NTRK3: variants seen among roughly 807,000 people sequenced by gnomAD.
The protein encoded by NTRK3 is neurotrophic receptor tyrosine kinase 3, also known as NT-3 growth factor receptor.
NTRK3 carries 24 observed loss-of-function variants against 91.7 expected under a neutral mutation model. The observed-to-expected ratio is 0.26, with a 90% CI of 0.19 to 0.37. The LOEUF (loss-of-function observed/expected upper bound fraction) is 0.37. Ranked by LOEUF, NTRK3 falls within the 10% of genes least tolerant of loss-of-function variation. The probability of loss-of-function intolerance (pLI) is 1.00; values close to 1 mark genes in which losing one functional copy is unlikely to be tolerated. For synonymous variants in NTRK3, 483 were observed against 404.0 expected (o/e 1.20, Z -2.34); for missense variants, 880 against 1,068.9 (o/e 0.82, Z 2.46).
intron 13 of NTRK3, among the ~76,000 whole-genome samples, chr15:88,111,792 C>CTACT (rs2051387198): frequency 6.6e-6 from 1 of 151,964 alleles, no homozygotes; most frequent in African/African-American, 2.4e-5. Flanking sequence ...GCTGTGTGGA[C>CTACT]TACTGATTGT....
At chr15:88,125,543 TTC>T (rs2053197367) in intron 13 of NTRK3, among the ~76,000 whole-genome samples, 1 of 149,636 alleles carries the variant, frequency 6.7e-6, no homozygotes, top group South Asian at 2.1e-4. Flanking sequence ...AAATTCAAGT[TTC>T]TGTTTTGGAA....
intron 15 of NTRK3, among the ~76,000 whole-genome samples, 158 bp downstream of exon 15, chr15:87,940,465 G>C (rs186919129): frequency 1.3e-5 from 2 of 152,278 alleles, no homozygotes; most frequent in East Asian, 3.9e-4. Context: ...AGTTGTTTTG[G>C]TCCCTAGGAA....
At chr15:88,229,210 G>A (rs75556676) in intron 3 of NTRK3, among the ~76,000 whole-genome samples, 2,539 of 152,334 alleles carry the variant, frequency 0.017, 29 homozygotes, top group Non-Finnish European at 0.026. Flanking sequence ...ACGCAAGCCT[G>A]TCTGATTACA....
intron 6 of NTRK3, chr15:88,144,155 G>A (rs926445577): frequency 6.6e-6 from 1 of 151,784 alleles, no homozygotes; most frequent in African/African-American, 2.4e-5. Flanking sequence ...CATCTTCTCT[G>A]CAAGGAAAAA....
intron 14 of NTRK3, among the ~76,000 whole-genome samples, chr15:88,004,847 G>T (rs373566934): frequency 1.6e-4 from 25 of 152,274 alleles, no homozygotes; most frequent in African/African-American, 6.0e-4. Flanking sequence ...GTGAATGATG[G>T]TCTCACTATC....
intron 13 of NTRK3, among the ~76,000 whole-genome samples, chr15:88,034,892 G>A (rs2078935100): frequency 6.6e-6 from 1 of 152,156 alleles, no homozygotes; most frequent in Admixed American, 6.5e-5. Context: ...AAAACACCTT[G>A]TAAACTTTTT....
rs763641163 is a variant in NTRK3 at position 88,190,683 on chromosome 15, G to A, written c.249-6384C>T. 5.2e-4 allele frequency among the ~76,000 whole-genome samples: 79 copies of A among 152,114 alleles called. 3 individuals carry two copies. The highest frequency in any genetic ancestry group is 2.1e-4 in the South Asian group (1 of 4,814). ...CTTGGAGCCCAATAGGTAAGAGCTG[G>A]CACCTGGAATTAGGCTGACCTGGAG... On this transcript the variant is annotated intron_variant, in intron 3 of 18. Transcript: ENST00000394480.
intron 3 of NTRK3, among the ~76,000 whole-genome samples, chr15:88,196,184 A>T (rs1274395293): frequency 6.6e-6 from 1 of 152,184 alleles, no homozygotes; most frequent in Non-Finnish European, 1.5e-5. Context: ...GGGCATTTTC[A>T]TTGTTAGAGG....
At chr15:88,025,933 T>A (rs1435893974) in intron 14 of NTRK3, among the ~76,000 whole-genome samples, 1 of 152,130 alleles carries the variant, frequency 6.6e-6, no homozygotes, top group Non-Finnish European at 1.5e-5. Flanking sequence ...CACTCCAGCA[T>A]GGGGACAAGA....
chr15:87,987,756 T>G (rs767237040), intron 14 of NTRK3, among the ~76,000 whole-genome samples: 2 of 152,052 alleles, frequency 1.3e-5, no homozygotes, highest in African/African-American at 2.4e-5. Flanking sequence ...TGTTAAGAGA[T>G]ATTTTCCTCC....
At chr15:88,244,094 G>GCCC (rs369371384) in intron 3 of NTRK3, among the ~76,000 whole-genome samples, 5 of 152,166 alleles carry the variant, frequency 3.3e-5, no homozygotes, top group African/African-American at 9.6e-5. Context: ...TGTCACTGCT[G>GCCC]CCCCCCCATG....
chr15:88,091,251 G>A (rs1008694217), intron 13 of NTRK3, among the ~76,000 whole-genome samples: 2 of 152,214 alleles, frequency 1.3e-5, no homozygotes. Context: ...AAAATGCTGG[G>A]AATTAGGGCA....
intron 3 of NTRK3, among the ~76,000 whole-genome samples, chr15:88,218,083 G>T (rs559209791): frequency 6.6e-6 from 1 of 152,096 alleles, no homozygotes; most frequent in Non-Finnish European, 1.5e-5. Flanking sequence ...CACTGTGGGG[G>T]CCCAGAACAT....
At chr15:88,032,549 A>G (rs961378097) in intron 14 of NTRK3, among the ~76,000 whole-genome samples, 1 of 152,124 alleles carries the variant, frequency 6.6e-6, no homozygotes, top group Non-Finnish European at 1.5e-5. Flanking sequence ...GGCCAGGTCT[A>G]GAGAGAAGAA....
intron 3 of NTRK3, among the ~76,000 whole-genome samples, chr15:88,200,211 G>A (rs1172585448): frequency 3.3e-5 from 5 of 152,204 alleles, no homozygotes; most frequent in South Asian, 4.1e-4. Flanking sequence ...CCACCTGCCC[G>A]GACTGGCCGC....
At chr15:88,125,497 G>A (rs184514156) in intron 13 of NTRK3, among the ~76,000 whole-genome samples, 1 of 84,582 alleles carries the variant, frequency 1.2e-5, no homozygotes, top group Admixed American at 1.9e-4. Context: ...ACCCAACATC[G>A]CCAAACATGG....
At chr15:88,032,955 G>A (rs775901634) in exon 14 of NTRK3, 13 of 1,612,616 alleles carry the variant, frequency 8.1e-6, no homozygotes, top group South Asian at 2.2e-5. Context: ...GTCGGGCCCG[G>A]CATCCAGTGA....
chr15:88,183,314 G>T, intron 5 of NTRK3, 104 bp downstream of exon 5: 1 of 1,116,062 alleles, frequency 9.0e-7, no homozygotes, highest in Non-Finnish European at 1.4e-6. Context: ...TTGCCCAAGA[G>T]CCCCTGGAGG....
intron 17 of NTRK3, among the ~76,000 whole-genome samples, chr15:87,890,162 G>C (rs1400736264): frequency 6.6e-6 from 1 of 151,884 alleles, no homozygotes; most frequent in East Asian, 1.9e-4. Context: ...TTCATAAATG[G>C]TGCTGTTTGC....
Sources: gnomAD v4.1 joint callset for allele counts (sites outside exome capture counted in the v4.1 genomes callset) on GRCh38, gnomAD v4.1.1 for gene constraint, MANE v1.5 for transcripts, NCBI Gene and HGNC (gene_info 2026-07-23, HGNC 2026-07-21) for gene names.